USP40: variants seen among roughly 807,000 people sequenced by gnomAD.
USP40 encodes the protein ubiquitin carboxyl-terminal hydrolase 40.
Under a neutral mutation model 166.2 loss-of-function variants are expected in USP40, and 143 were observed. The observed-to-expected ratio is 0.86, with a 90% CI of 0.75 to 0.99. The LOEUF is 0.99. USP40 is among the 50% of genes least tolerant of loss of function. The pLI is 0.00. For synonymous variants in USP40, 498 were observed against 524.0 expected (o/e 0.95, Z 0.68); for missense variants, 1,444 against 1,479.7 (o/e 0.98, Z 0.40).
intron 6 of USP40, among the ~76,000 whole-genome samples, chr2:233,553,550 C>A (rs2070774901): frequency 6.6e-6 from 1 of 152,164 alleles, no homozygotes; most frequent in African/African-American, 2.4e-5. Context: ...TATAATAAAT[C>A]CCTGCCATAT....
chr2:233,564,551 G>A (rs2125414437), intron 2 of USP40, among the ~76,000 whole-genome samples: 1 of 152,220 alleles, frequency 6.6e-6, no homozygotes, highest in South Asian at 2.1e-4. Flanking sequence ...GTTGATTTCT[G>A]AGATCCCCTA....
intron 3 of USP40, chr2:233,560,963 T>C (rs1324564264): frequency 4.1e-6 from 3 of 724,106 alleles, no homozygotes; most frequent in Non-Finnish European, 7.6e-6. Flanking sequence ...GTAGCAGTAT[T>C]GTACTTGGAA....
intron 20 of USP40, among the ~76,000 whole-genome samples, 190 bp from the exon 21 acceptor site, chr2:233,510,325 A>G (rs2066716214): frequency 1.3e-5 from 2 of 148,172 alleles, no homozygotes; most frequent in African/African-American, 2.5e-5. Flanking sequence ...AGAAGTATAA[A>G]TTGCTTCATC....
rs1381388744 is a variant in USP40, at chr2:233,486,662, AT to A, written c.3198-686del. Among the ~76,000 whole-genome samples, 1 of 152,150 alleles carries A rather than the reference AT, an allele frequency of 6.6e-6. No individual in the cohort carries two copies. ...TGCTGAGACAATGAATGATTTTTAGATGTACTTCTATTAAGTGTTTTTACCA... is the reference window on the plus strand; with the variant it reads ...TGCTGAGACAATGAATGATTTTTAGAGTACTTCTATTAAGTGTTTTTACCA... On this transcript the variant is annotated intron_variant, in intron 28 of 31. Transcript: ENST00000678225. This position sits in a 1 kb window ranked among gnomAD's most constrained non-coding sequence, Gnocchi z 4.0.
At chr2:233,496,930 A>G (rs1475642099) in intron 23 of USP40, 98 bp from the exon 24 acceptor site, 11 of 816,468 alleles carry the variant, frequency 1.3e-5, no homozygotes, top group Non-Finnish European at 2.1e-5. Context: ...CTTTTCAAAA[A>G]TTAAATGAAT....
rs2065504516 is a variant in USP40 at position 233,493,976 on chromosome 2, T to C, written c.2791-425A>G. 6.6e-6 allele frequency among the ~76,000 whole-genome samples: 1 copy of C among 152,196 alleles called. No individual in the cohort carries two copies. Among genetic ancestry groups the C allele is most frequent in the Admixed American group, 6.5e-5 (1 of 15,280 alleles). ...ATACAAACTAAAGGAAATAAACCCA[T>C]TGTCTTATACATACCCTGTAATTTC... On this transcript the variant is annotated intron_variant, in intron 24 of 31. Transcript: ENST00000678225. This position sits in a 1 kb window ranked among gnomAD's most constrained non-coding sequence, Gnocchi z 4.7.
intron 2 of USP40, among the ~76,000 whole-genome samples, chr2:233,563,817 T>A (rs2071881746): frequency 6.6e-6 from 1 of 152,190 alleles, no homozygotes; most frequent in Non-Finnish European, 1.5e-5. Flanking sequence ...TCAAATCATA[T>A]GCTTGGCCAG....
At chr2:233,538,471 A>T (rs1272674178) in intron 10 of USP40, among the ~76,000 whole-genome samples, 1 of 152,222 alleles carries the variant, frequency 6.6e-6, no homozygotes, top group Non-Finnish European at 1.5e-5. Context: ...ACAAATTATC[A>T]ATATCAGAAA....
At position 233,549,195 on chromosome 2, in the gene USP40, A is replaced by C. The variant is rs761183988; in HGVS notation, c.872T>G (p.Leu291Arg). ...ELDDLEYIYD[L>R]FSVIIHKGGC... is the part of the protein sequence containing the mutation. Reference sequence around the variant, plus strand: ...ACCTTTGTGTATAATAACTGAGAAGAGGTCATATATATATTCTAAGTCATC... The same window carrying C: ...ACCTTTGTGTATAATAACTGAGAAGCGGTCATATATATATTCTAAGTCATC... The change falls in exon 8 of 32, where the codon CTC becomes CGC. Residue 291 changes from leucine (L) to arginine (R), a missense_variant. Coordinates refer to ENST00000678225, the MANE Select transcript of USP40 (RefSeq NM_001365479.2). 1 of 1,517,474 alleles carries C rather than the reference A, an allele frequency of 6.6e-7. No individual in the cohort carries two copies. Among genetic ancestry groups the C allele is most frequent in the East Asian group, 2.3e-5 (1 of 43,582 alleles). 94.0% of individuals were successfully genotyped at this position (1,517,474 alleles called of 1,614,324 possible).
chr2:233,509,077 T>G (rs1384349684), intron 21 of USP40, among the ~76,000 whole-genome samples: 1 of 152,176 alleles, frequency 6.6e-6, no homozygotes, highest in African/African-American at 2.4e-5. Context: ...TGGTTCCTGT[T>G]TGTAGAAAAT....
intron 10 of USP40, among the ~76,000 whole-genome samples, chr2:233,534,437 T>C (rs535723562): frequency 6.6e-6 from 1 of 152,320 alleles, no homozygotes; most frequent in East Asian, 1.9e-4. Flanking sequence ...GCCTTGAGTC[T>C]CTTTCTTTTC....
At chr2:233,482,903 A>G (rs904050966) in intron 30 of USP40, among the ~76,000 whole-genome samples, 5 of 152,192 alleles carry the variant, frequency 3.3e-5, no homozygotes, top group Non-Finnish European at 7.3e-5. Flanking sequence ...GCTCCCTGCA[A>G]TTGGCAAGCT....
chr2:233,500,162 T>C (rs1163566832), intron 21 of USP40, among the ~76,000 whole-genome samples: 1 of 152,200 alleles, frequency 6.6e-6, no homozygotes, highest in African/African-American at 2.4e-5. Context: ...TAGTTCAAAG[T>C]TTCATCCACC....
chr2:233,519,882 T>C (rs891717170), intron 17 of USP40, among the ~76,000 whole-genome samples: 2 of 152,052 alleles, frequency 1.3e-5, no homozygotes, highest in African/African-American at 2.4e-5. Flanking sequence ...TTTTACCAAA[T>C]TGATGTTAAT....
Position 233,493,652 on chromosome 2 carries a change from T to C in USP40, c.2791-101A>G, listed in dbSNP as rs1311829240. The C allele has an allele frequency of 9.4e-6, 12 of 1,270,180 alleles. No individual in the cohort carries two copies. In the East Asian group the frequency reaches 2.3e-4, roughly 24 times the overall value. 78.7% of individuals were successfully genotyped at this position (1,270,180 alleles called of 1,614,324 possible). On this transcript the variant is annotated intron_variant, in intron 24 of 31. Coordinates refer to ENST00000678225, the MANE Select transcript of USP40 (RefSeq NM_001365479.2). This position sits in a 1 kb window ranked among gnomAD's most constrained non-coding sequence, Gnocchi z 4.7. ...AACACCTTGATGACCTAAGATGTTC[T>C]TGAACTTATCATTTTTCCTTTTAGA...
At chr2:233,521,203 T>TA (rs2067627516) in intron 16 of USP40, 89 bp from the exon 17 acceptor site, 2 of 1,419,186 alleles carry the variant, frequency 1.4e-6, no homozygotes, top group Admixed American at 5.1e-5. Context: ...TGTGACTAAT[T>TA]AGAGGTGACC....
rs758378985 is a variant in USP40, at chr2:233,523,399, A to G, written c.1972T>C (p.Cys658Arg). ...HLDTSSDGEK[C>R]CQVIESPHVF... is the part of the protein sequence containing the mutation. ...TGTGGAGATTCTATCACCTGACAACACTTTTCTCCATCACTGCTTGTGTCT... is the reference window on the plus strand; with the variant it reads ...TGTGGAGATTCTATCACCTGACAACGCTTTTCTCCATCACTGCTTGTGTCT... The change falls in exon 16 of 32, where the codon TGT becomes CGT. Residue 658 changes from cysteine to arginine, a missense_variant. By Grantham distance (180) the Cys-to-Arg change is radical (BLOSUM62 -3). Transcript: ENST00000678225. 1.2e-6 allele frequency: 2 copies of G among 1,613,976 alleles called. No homozygotes were observed. Among genetic ancestry groups the G allele is most frequent in the Non-Finnish European group, 1.7e-6 (2 of 1,179,888 alleles).
In USP40 at chr2:233,531,018, G is replaced by A. The variant is rs77573376; in HGVS notation, c.1472-1506C>T. Among the ~76,000 whole-genome samples, 967 of 152,082 alleles carry A rather than the reference G, an allele frequency of 6.4e-3. 22 individuals carry two copies. In the East Asian group the frequency reaches 0.084, roughly 13 times the overall value. On this transcript the variant is annotated intron_variant, in intron 11 of 31. Transcript: ENST00000678225. ...ATTCCTTTTTTACATAAATATTAAA[G>A]GAACTATAATTTCATTTAAGTGATT...
intron 30 of USP40, among the ~76,000 whole-genome samples, chr2:233,483,817 A>T (rs1274847066): frequency 3.3e-5 from 5 of 152,242 alleles, no homozygotes; most frequent in Non-Finnish European, 5.9e-5. Flanking sequence ...CTTGAATCAT[A>T]GATACTCAAC....
Sources: allele counts gnomAD v4.1 joint callset (sites outside exome capture counted in the v4.1 genomes callset), GRCh38; gene constraint gnomAD v4.1.1; non-coding constraint Gnocchi (gnomAD v3.1); transcripts MANE v1.5; gene names NCBI Gene and HGNC (gene_info 2026-07-23, HGNC 2026-07-21).